The following NLGN1 variants were observed in gnomAD, a reference collection of about 807,000 sequenced individuals.
The protein encoded by NLGN1 is neuroligin-1.
A neutral mutation model predicts 65.5 loss-of-function variants in NLGN1; 12 were observed. The observed-to-expected ratio is 0.18, with a 90% CI of 0.12 to 0.30. NLGN1 has a LOEUF of 0.30. NLGN1 is among the 10% of genes least tolerant of loss of function. The probability of loss-of-function intolerance (pLI) is 1.00; values close to 1 mark genes in which losing one functional copy is unlikely to be tolerated. For missense variants in NLGN1, 750 were observed against 1,007.1 expected, an observed-to-expected ratio of 0.74 and a Z score of 3.46; for synonymous variants, 350 against 359.5, an observed-to-expected ratio of 0.97 and a Z score of 0.30.
At chr3:173,702,924 T>C (rs1767468483) in intron 3 of NLGN1, among the ~76,000 whole-genome samples, 1 of 152,230 alleles carries the variant, frequency 6.6e-6, no homozygotes, top group Admixed American at 6.5e-5. Flanking sequence ...TATTATCTTT[T>C]ATTTCACAAA....
chr3:174,042,662 TG>T lies in NLGN1; in HGVS notation c.647-232652del, dbSNP rs1395214510. ...AACACTTACTAGTCACTGTGATAAT[TG>T]TCTTAGCATAGACTGTTTTATTTCA... On this transcript the variant is annotated intron_variant, in intron 4 of 6. Transcript: ENST00000457714. 2.0e-5 allele frequency among the ~76,000 whole-genome samples: 3 copies of T among 152,330 alleles called. No homozygotes were observed. The East Asian group carries it at 5.8e-4, about 29-fold the overall frequency.
intron 3 of NLGN1, among the ~76,000 whole-genome samples, chr3:173,624,749 A>G (rs1416258034): frequency 6.6e-6 from 1 of 152,172 alleles, no homozygotes; most frequent in African/African-American, 2.4e-5. Context: ...TTCTAATAGA[A>G]GGTAAATAAT....
intron 3 of NLGN1, among the ~76,000 whole-genome samples, chr3:173,642,247 A>C (rs1323871379): frequency 6.6e-6 from 1 of 152,192 alleles, no homozygotes; most frequent in Non-Finnish European, 1.5e-5. Context: ...AAACAAAAAA[A>C]CAGGCAAAAT....
chr3:173,873,205 C>T (rs1731500128), intron 4 of NLGN1, among the ~76,000 whole-genome samples: 1 of 151,860 alleles, frequency 6.6e-6, no homozygotes, highest in Non-Finnish European at 1.5e-5. Context: ...TCTCATGCCT[C>T]AGCCTCCCAA....
At chr3:173,633,768 A>G (rs1756124731) in intron 3 of NLGN1, among the ~76,000 whole-genome samples, 1 of 152,172 alleles carries the variant, frequency 6.6e-6, no homozygotes, top group Non-Finnish European at 1.5e-5. Context: ...CCAGTAAAAA[A>G]ACAAAACTCC....
chr3:173,460,228 A>G (rs1347722124), intron 2 of NLGN1, among the ~76,000 whole-genome samples: 1 of 152,092 alleles, frequency 6.6e-6, no homozygotes, highest in African/African-American at 2.4e-5. Flanking sequence ...CATTGTAGGT[A>G]TTTATGAAAT....
chr3:174,204,737 G>C (rs1333087969), intron 4 of NLGN1, among the ~76,000 whole-genome samples: 1 of 152,170 alleles, frequency 6.6e-6, no homozygotes, highest in African/African-American at 2.4e-5. Context: ...CGTTAACACG[G>C]ATACTCTTTC....
At chr3:173,761,330 C>T (rs1438690825) in intron 3 of NLGN1, among the ~76,000 whole-genome samples, 1 of 151,952 alleles carries the variant, frequency 6.6e-6, no homozygotes, top group African/African-American at 2.4e-5. Flanking sequence ...GAAGCTGTCT[C>T]CCTGGAGGTT....
chr3:174,026,891 T>C (rs753349707), intron 4 of NLGN1, among the ~76,000 whole-genome samples: 1 of 152,138 alleles, frequency 6.6e-6, no homozygotes, highest in Non-Finnish European at 1.5e-5. Context: ...ACTGCTTTTG[T>C]ACTAAATATT....
At chr3:173,676,637 T>G (rs1763207645) in intron 3 of NLGN1, among the ~76,000 whole-genome samples, 1 of 152,156 alleles carries the variant, frequency 6.6e-6, no homozygotes, top group African/African-American at 2.4e-5. Context: ...TAAATTTATT[T>G]TAAATATATT....
In NLGN1 at chr3:174,032,060, C is replaced by G. The variant is rs1202753078; in HGVS notation, c.646+224228C>G. ...AAACAAATGATTTCCAAAGAAGACT[C>G]CTATAACCAGGCATGGTGTTAATTA... is the stretch of plus-strand genomic sequence containing the variant. On this transcript the variant is annotated intron_variant, in intron 4 of 6. Coordinates refer to ENST00000457714, the Ensembl canonical transcript of NLGN1. 2.0e-5 allele frequency among the ~76,000 whole-genome samples: 3 copies of G among 151,942 alleles called. No homozygotes were observed. In the East Asian group the frequency reaches 5.8e-4, roughly 29 times the overall value.
chr3:173,636,158 A>C (rs982404397), intron 3 of NLGN1, among the ~76,000 whole-genome samples: 1 of 152,186 alleles, frequency 6.6e-6, no homozygotes, highest in African/African-American at 2.4e-5. Context: ...GAATGTAATT[A>C]GTTGGCGAAA....
Position 174,014,904 on chromosome 3 carries a change from A to G in NLGN1, c.646+207072A>G, listed in dbSNP as rs57393078. On this transcript the variant is annotated intron_variant, in intron 4 of 6. Coordinates refer to ENST00000457714, the Ensembl canonical transcript of NLGN1. ...CATAAAAGATAATCAGGACTCTTGA[A>G]GGAAGGGGTATGAGAAGAAAAGTCA... 7.2e-3 allele frequency among the ~76,000 whole-genome samples: 1,102 copies of G among 152,192 alleles called. 15 individuals carry two copies. Among genetic ancestry groups the G allele is most frequent in the African/African-American group, 0.025 (1,029 of 41,540 alleles).
chr3:173,506,333 C>A (rs1191814872), intron 2 of NLGN1, among the ~76,000 whole-genome samples: 1 of 151,920 alleles, frequency 6.6e-6, no homozygotes, highest in Non-Finnish European at 1.5e-5. Flanking sequence ...AAACTTTCTG[C>A]AACTCTTAGA....
chr3:173,489,921 T>G (rs807158), intron 2 of NLGN1, among the ~76,000 whole-genome samples: 120,413 of 151,978 alleles, frequency 0.79, 48,637 homozygotes, highest in East Asian at 0.97. Context: ...TGTCCACTTT[T>G]TGATGGGGTT....
intron 3 of NLGN1, among the ~76,000 whole-genome samples, chr3:173,803,269 T>G (rs777602325): frequency 9.9e-5 from 15 of 152,282 alleles, no homozygotes; most frequent in Non-Finnish European, 1.5e-4. Flanking sequence ...TTTTAAAAAT[T>G]TAAGAAGTAT....
intron 2 of NLGN1, among the ~76,000 whole-genome samples, chr3:173,551,595 C>T (rs951409741): frequency 6.6e-6 from 1 of 152,150 alleles, no homozygotes; most frequent in African/African-American, 2.4e-5. Context: ...TCCGAACGTA[C>T]TATGATGGAA....
chr3:174,289,969 G>GTA (rs748262574), downstream of NLGN1, among the ~76,000 whole-genome samples: 420 of 133,724 alleles, frequency 3.1e-3, 1 homozygote, highest in East Asian at 0.021. Flanking sequence ...ATATATATAT[G>GTA]TATATATATA....
At chr3:173,820,958 A>G (rs1720170146) in intron 4 of NLGN1, among the ~76,000 whole-genome samples, 1 of 152,196 alleles carries the variant, frequency 6.6e-6, no homozygotes, top group African/African-American at 2.4e-5. Context: ...TCTATCTTGA[A>G]TTGAATTACA....
Sources: gnomAD v4.1 joint callset for allele counts (sites outside exome capture counted in the v4.1 genomes callset) on GRCh38, gnomAD v4.1.1 for gene constraint, MANE v1.5 for transcripts, NCBI Gene and HGNC (gene_info 2026-07-23, HGNC 2026-07-21) for gene names.